The following SCFD2 variants were observed in gnomAD, a reference collection of about 807,000 sequenced individuals.
The protein encoded by SCFD2 is sec1 family domain-containing protein 2.
In SCFD2, 54 loss-of-function variants were observed where a neutral mutation model predicts 58.9. The ratio of observed to expected loss-of-function variants is 0.92; its 90% CI spans 0.74 to 1.15. The LOEUF is 1.15. Among genes scored for constraint, SCFD2 ranks in the 50% most tolerant of loss-of-function variants. The pLI, the probability that SCFD2 is intolerant of heterozygous loss-of-function variation, is 0.00. For synonymous variants in SCFD2, 321 were observed against 335.9 expected, an observed-to-expected ratio of 0.96 and a Z score of 0.49; for missense variants, 805 against 836.6, an observed-to-expected ratio of 0.96 and a Z score of 0.47.
At chr4:53,324,334 C>T (rs114216910) in intron 2 of SCFD2, among the ~76,000 whole-genome samples, 1 of 145,966 alleles carries the variant, frequency 6.9e-6, no homozygotes, top group Admixed American at 7.2e-5. Context: ...AAGAGGATCG[C>T]TTGAGTCCAG....
rs141388786 is a variant in SCFD2 at position 53,292,066 on chromosome 4, A to T, written c.1136-18065T>A. The stretch of plus-strand genomic sequence containing the variant: ...ACTTAAATGTAAAACCCAAAACTAT[A>T]AAACTATAAAACCCAAAACTATAAA... On this transcript the variant is annotated intron_variant, in intron 3 of 8. Coordinates refer to ENST00000401642, the MANE Select transcript of SCFD2 (RefSeq NM_152540.4). Among the ~76,000 whole-genome samples the T allele has an allele frequency of 1.7e-3, 265 of 151,704 alleles. 5 individuals are homozygous for T. The East Asian group carries it at 0.04, about 23-fold the overall frequency.
chr4:52,931,347 G>C (rs1274808044), intron 5 of SCFD2, among the ~76,000 whole-genome samples: 1 of 152,166 alleles, frequency 6.6e-6, no homozygotes, highest in Non-Finnish European at 1.5e-5. Context: ...AGAGCCTGGG[G>C]AGCTATGCTG....
At chr4:53,226,104 GT>G (rs1328425495) in intron 4 of SCFD2, among the ~76,000 whole-genome samples, 1 of 151,998 alleles carries the variant, frequency 6.6e-6, no homozygotes, top group Non-Finnish European at 1.5e-5. Context: ...AACCAGGCTG[GT>G]TTTGGATTTC....
chr4:52,990,286 C>CTCTG (rs1337191376), intron 5 of SCFD2, among the ~76,000 whole-genome samples: 1 of 152,194 alleles, frequency 6.6e-6, no homozygotes, highest in East Asian at 1.9e-4. Context: ...ATATATAAGG[C>CTCTG]TCTGAATGAT....
intron 4 of SCFD2, among the ~76,000 whole-genome samples, chr4:53,259,840 C>T (rs765284307): frequency 2.6e-5 from 4 of 152,122 alleles, no homozygotes; most frequent in Non-Finnish European, 5.9e-5. Flanking sequence ...TGATTCTACT[C>T]ATCCATGAGC....
At chr4:53,154,092 TTC>T (rs1300069602) in intron 4 of SCFD2, among the ~76,000 whole-genome samples, 1 of 152,220 alleles carries the variant, frequency 6.6e-6, no homozygotes, top group Non-Finnish European at 1.5e-5. Flanking sequence ...CCTCTGCCTA[TTC>T]CCAAGTTCCA....
At chr4:52,997,500 T>C (rs932144749) in intron 5 of SCFD2, among the ~76,000 whole-genome samples, 1 of 152,024 alleles carries the variant, frequency 6.6e-6, no homozygotes, top group Non-Finnish European at 1.5e-5. Context: ...CACTTTGGAG[T>C]AGAACCAGGG....
intron 5 of SCFD2, among the ~76,000 whole-genome samples, chr4:53,100,250 G>C (rs965214454): frequency 6.6e-6 from 1 of 152,098 alleles, no homozygotes; most frequent in African/African-American, 2.4e-5. Context: ...TCTCTCATCT[G>C]TTCAATGTAG....
At chr4:53,288,554 G>T (rs1351007922) in intron 3 of SCFD2, among the ~76,000 whole-genome samples, 5 of 152,270 alleles carry the variant, frequency 3.3e-5, no homozygotes, top group African/African-American at 1.2e-4. Context: ...CAGAAACTTT[G>T]CAGGCAAGGA....
At chr4:52,952,698 T>G (rs1321551374) in intron 5 of SCFD2, among the ~76,000 whole-genome samples, 1 of 152,200 alleles carries the variant, frequency 6.6e-6, no homozygotes, top group Non-Finnish European at 1.5e-5. Flanking sequence ...GATACATATC[T>G]CATGATTTAG....
chr4:53,020,460 A>C (rs1722319326), intron 5 of SCFD2, among the ~76,000 whole-genome samples: 1 of 152,192 alleles, frequency 6.6e-6, no homozygotes, highest in Admixed American at 6.5e-5. Flanking sequence ...GGAAAGGTTA[A>C]GAAACTGTCA....
At chr4:53,077,759 A>G (rs987991319) in intron 5 of SCFD2, among the ~76,000 whole-genome samples, 5 of 152,164 alleles carry the variant, frequency 3.3e-5, no homozygotes, top group Non-Finnish European at 5.9e-5. Flanking sequence ...TATTTCTAAT[A>G]ATAATAAATG....
intron 2 of SCFD2, among the ~76,000 whole-genome samples, chr4:53,330,573 T>C (rs1414483210): frequency 9.9e-5 from 15 of 151,870 alleles, no homozygotes; most frequent in African/African-American, 2.2e-4. Flanking sequence ...CCAGGCCTGC[T>C]TTACAAGAGC....
At chr4:53,143,279 C>G (rs1726222857) in intron 5 of SCFD2, among the ~76,000 whole-genome samples, 1 of 152,170 alleles carries the variant, frequency 6.6e-6, no homozygotes, top group Non-Finnish European at 1.5e-5. Flanking sequence ...AACATGTCAT[C>G]TTGTTATCTG....
chr4:53,200,765 T>G (rs1728205795), intron 4 of SCFD2, among the ~76,000 whole-genome samples: 1 of 152,170 alleles, frequency 6.6e-6, no homozygotes, highest in African/African-American at 2.4e-5. Flanking sequence ...TGGCATGAAT[T>G]TAGCCTACAT....
At chr4:53,193,763 T>C (rs1727981335) in intron 4 of SCFD2, among the ~76,000 whole-genome samples, 1 of 152,202 alleles carries the variant, frequency 6.6e-6, no homozygotes, top group Non-Finnish European at 1.5e-5. Flanking sequence ...TGAGTACTTT[T>C]TGTTTCTATC....
At chr4:53,123,642 CCCCT>C (rs1400326692) in intron 5 of SCFD2, among the ~76,000 whole-genome samples, 13 of 152,146 alleles carry the variant, frequency 8.5e-5, no homozygotes, top group African/African-American at 2.9e-4. Flanking sequence ...CTCAACTGAT[CCCCT>C]CCAAGTACAC....
At chr4:53,355,364 A>C (rs1734371159) in intron 1 of SCFD2, among the ~76,000 whole-genome samples, 1 of 152,178 alleles carries the variant, frequency 6.6e-6, no homozygotes, top group African/African-American at 2.4e-5. Context: ...TAGAAGATAG[A>C]CATGTTAACT....
intron 3 of SCFD2, among the ~76,000 whole-genome samples, chr4:53,311,964 A>G (rs1732706529): frequency 2.6e-5 from 4 of 152,112 alleles, no homozygotes; most frequent in Admixed American, 2.6e-4. Flanking sequence ...TCTTGTTTCA[A>G]CATACTTAAG....
Sources: gnomAD v4.1 joint callset for allele counts (sites outside exome capture counted in the v4.1 genomes callset) on GRCh38, gnomAD v4.1.1 for gene constraint, MANE v1.5 for transcripts, NCBI Gene and HGNC (gene_info 2026-07-23, HGNC 2026-07-21) for gene names.